HDAC9: variants seen among roughly 807,000 people sequenced by gnomAD.
HDAC9 encodes the protein MEF-2 interacting transcription repressor (MITR) protein.
In HDAC9, 41 loss-of-function variants were observed where a neutral mutation model predicts 139.4. The ratio of observed to expected loss-of-function variants is 0.29; its 90% CI spans 0.23 to 0.38. The LOEUF (loss-of-function observed/expected upper bound fraction) is 0.38, where lower values mean the gene tolerates loss of function less well. HDAC9 is among the 10% of genes least tolerant of loss of function. The pLI, the probability that HDAC9 is intolerant of heterozygous loss-of-function variation, is 1.00. For missense variants in HDAC9, 1,147 were observed against 1,297.0 expected (o/e 0.88, Z 1.78); for synonymous variants, 517 against 476.2 (o/e 1.09, Z -1.12).
chr7:18,724,592 G>C lies in HDAC9; in HGVS notation c.1732-2988G>C, dbSNP rs118097988. ...AGACATCATAAACACTGTACACTTA[G>C]GCTACACTAAATTATTAAAAATAAA... On this transcript the variant is annotated intron_variant, in intron 12 of 25. Coordinates refer to ENST00000686413, the MANE Select transcript of HDAC9 (RefSeq NM_178425.4). 1.3e-3 allele frequency among the ~76,000 whole-genome samples: 201 copies of C among 152,154 alleles called. 1 individual carries two copies. The East Asian group carries it at 0.022, about 17-fold the overall frequency.
Position 18,997,759 on chromosome 7 carries a change from A to G in HDAC9, c.*1697A>G, listed in dbSNP as rs1786547865. The G allele has an allele frequency of 6.6e-6, 1 of 152,172 alleles. No individual in the cohort carries two copies. The highest frequency in any genetic ancestry group is 2.4e-5 in the African/African-American group (1 of 41,452). The allele number at this position is 152,172 out of a possible 1,614,324, so 9.4% of individuals were successfully genotyped here. On this transcript the variant is annotated 3_prime_UTR_variant, in exon 26 of 26. Transcript: ENST00000686413. ...GTAGAATTATATAACTCCCTTTGTTATACAGTCAGACCATATTTTTCATGC... is the reference window on the plus strand; with the variant it reads ...GTAGAATTATATAACTCCCTTTGTTGTACAGTCAGACCATATTTTTCATGC...
intron 14 of HDAC9, among the ~76,000 whole-genome samples, chr7:18,750,274 T>G (rs551548427): frequency 6.6e-6 from 1 of 152,330 alleles, no homozygotes; most frequent in Admixed American, 6.5e-5. Context: ...TTTATGGATT[T>G]GTTTCTTTAA....
At chr7:18,550,714 G>A (rs1032395437) in intron 2 of HDAC9, among the ~76,000 whole-genome samples, 1 of 152,176 alleles carries the variant, frequency 6.6e-6, no homozygotes, top group Non-Finnish European at 1.5e-5. Flanking sequence ...AAGGCCAAAG[G>A]CACTAGGATG....
intron 17 of HDAC9, among the ~76,000 whole-genome samples, chr7:18,811,512 A>C (rs551262043): frequency 1.3e-5 from 2 of 151,804 alleles, no homozygotes; most frequent in South Asian, 4.1e-4. Flanking sequence ...TATATTATTT[A>C]GTGTCTGATT....
intron 2 of HDAC9, among the ~76,000 whole-genome samples, chr7:18,515,074 A>T (rs2128198558): frequency 6.6e-6 from 1 of 152,324 alleles, no homozygotes; most frequent in Non-Finnish European, 1.5e-5. Flanking sequence ...TTATAGTCAT[A>T]TGGTTAAAAT....
chr7:18,162,450 T>G (rs1787697445), intron 2 of HDAC9: 1 of 1,150,138 alleles, frequency 8.7e-7, no homozygotes, highest in African/African-American at 1.6e-5. Flanking sequence ...GGAACTTTTT[T>G]TTTTTTGGAC....
At chr7:18,958,277 G>A (rs1783297508) in intron 24 of HDAC9, among the ~76,000 whole-genome samples, 1 of 152,088 alleles carries the variant, frequency 6.6e-6, no homozygotes, top group Non-Finnish European at 1.5e-5. Flanking sequence ...CTATCTTTGA[G>A]ATGACAAAAT....
chr7:18,618,724 TTGTATATATATATA>T (rs1562600479), intron 6 of HDAC9, among the ~76,000 whole-genome samples: 1 of 55,712 alleles, frequency 1.8e-5, no homozygotes, highest in African/African-American at 6.4e-5. Flanking sequence ...GTACAGAATT[TTGTATATATATATA>T]TATATATATA....
At chr7:18,143,675 A>G (rs1290526084) in intron 1 of HDAC9, among the ~76,000 whole-genome samples, 1 of 151,842 alleles carries the variant, frequency 6.6e-6, no homozygotes, top group African/African-American at 2.4e-5. Flanking sequence ...AATCCCAGCT[A>G]CTCAGGAGGT....
At chr7:18,689,316 C>G (rs1038809323) in intron 12 of HDAC9, among the ~76,000 whole-genome samples, 10 of 151,488 alleles carry the variant, frequency 6.6e-5, no homozygotes, top group African/African-American at 2.4e-4. Context: ...ATTTTAGGTA[C>G]TACAGCCTTC....
chr7:18,141,807 ATTAT>A (rs1785916043), intron 1 of HDAC9, among the ~76,000 whole-genome samples: 1 of 152,224 alleles, frequency 6.6e-6, no homozygotes, highest in African/African-American at 2.4e-5. Context: ...AATTTGTTGA[ATTAT>A]TTATTCATTT....
At chr7:18,280,116 G>C (rs555551598) in intron 2 of HDAC9, among the ~76,000 whole-genome samples, 1 of 152,272 alleles carries the variant, frequency 6.6e-6, no homozygotes, top group South Asian at 2.1e-4. Flanking sequence ...TATTGAAAAA[G>C]ACAGGATAGG....
intron 1 of HDAC9, among the ~76,000 whole-genome samples, chr7:18,139,844 G>T (rs73315753): frequency 6.6e-6 from 1 of 152,084 alleles, no homozygotes; most frequent in Non-Finnish European, 1.5e-5. Context: ...CAAAGACTGG[G>T]CAGCCTCCGG....
At chr7:18,824,136 C>T (rs1795235785) in intron 17 of HDAC9, among the ~76,000 whole-genome samples, 1 of 148,128 alleles carries the variant, frequency 6.8e-6, no homozygotes, top group South Asian at 2.2e-4. Flanking sequence ...CCAGAGCCCG[C>T]TTTGTGAGTG....
chr7:18,670,745 A>C lies in HDAC9; in HGVS notation c.1731+4269A>C, dbSNP rs148792081. Among the ~76,000 whole-genome samples, 5 of 152,076 alleles carry C rather than the reference A, an allele frequency of 3.3e-5. 1 individual carries two copies. The highest frequency in any genetic ancestry group is 6.6e-5 in the Admixed American group (1 of 15,242). On this transcript the variant is annotated intron_variant, in intron 12 of 25. Transcript: ENST00000686413. Reference sequence around the variant, plus strand: ...TTCTTTATATCTGCCCGATATGCTTACTTCTGTCCAATTTATTCAGTTGTT... The same window carrying C: ...TTCTTTATATCTGCCCGATATGCTTCCTTCTGTCCAATTTATTCAGTTGTT...
At chr7:18,191,704 T>C in intron 2 of HDAC9, among the ~76,000 whole-genome samples, 1 of 152,194 alleles carries the variant, frequency 6.6e-6, no homozygotes, top group East Asian at 1.9e-4. Flanking sequence ...TGAATTTAAT[T>C]TTTTTGACAT....
At chr7:18,476,197 TA>T (rs1035394092) in intron 1 of HDAC9, among the ~76,000 whole-genome samples, 2 of 152,146 alleles carry the variant, frequency 1.3e-5, no homozygotes, top group Admixed American at 1.3e-4. Flanking sequence ...TCTGCAGGGA[TA>T]GTGGGCTCAG....
chr7:18,242,420 A>G (rs1794247924), intron 2 of HDAC9, among the ~76,000 whole-genome samples: 1 of 152,236 alleles, frequency 6.6e-6, no homozygotes, highest in African/African-American at 2.4e-5. Flanking sequence ...ACTGGATAAC[A>G]AAGCTAGGCA....
At chr7:18,383,998 T>C (rs1785683089) in intron 1 of HDAC9, among the ~76,000 whole-genome samples, 1 of 152,110 alleles carries the variant, frequency 6.6e-6, no homozygotes, top group Admixed American at 6.5e-5. Context: ...TTTTACAATG[T>C]TTTGTAAAAT....
Sources: allele counts gnomAD v4.1 joint callset (sites outside exome capture counted in the v4.1 genomes callset), GRCh38; gene constraint gnomAD v4.1.1; transcripts MANE v1.5; gene names NCBI Gene and HGNC (gene_info 2026-07-23, HGNC 2026-07-21).